Variants in PRKN observed in about 807,000 individuals in gnomAD.
PRKN encodes parkin RBR E3 ubiquitin protein ligase, also known as E3 ubiquitin-protein ligase parkin.
A neutral mutation model predicts 59.5 loss-of-function variants in PRKN; 56 were observed. The observed-to-expected ratio is 0.94, with a 90% CI of 0.76 to 1.18. The LOEUF is 1.18. PRKN is among the 50% of genes most tolerant of loss of function. The pLI, the probability that PRKN is intolerant of heterozygous loss-of-function variation, is 0.00. For missense variants in PRKN, 657 were observed against 596.4 expected (o/e 1.10, Z -1.06); for synonymous variants, 250 against 222.1 (o/e 1.13, Z -1.12).
chr6:162,092,853 A>G (rs1347078184), intron 4 of PRKN, among the ~76,000 whole-genome samples: 2 of 152,208 alleles, frequency 1.3e-5, no homozygotes, highest in African/African-American at 4.8e-5. Flanking sequence ...GAGACATATT[A>G]TGATGGAGCC....
chr6:162,656,567 T>A (rs1286748520), intron 1 of PRKN, among the ~76,000 whole-genome samples: 2 of 152,230 alleles, frequency 1.3e-5, no homozygotes, highest in Non-Finnish European at 2.9e-5. Flanking sequence ...ATCTATCCCA[T>A]TAGCACTGTC....
chr6:162,250,069 C>G (rs1399255101), intron 3 of PRKN, among the ~76,000 whole-genome samples: 1 of 151,884 alleles, frequency 6.6e-6, no homozygotes, highest in African/African-American at 2.4e-5. Flanking sequence ...TCGCTTGAGC[C>G]CAGGACGCAG....
chr6:162,609,096 A>G (rs766033914), intron 1 of PRKN, among the ~76,000 whole-genome samples: 5 of 152,220 alleles, frequency 3.3e-5, no homozygotes, highest in African/African-American at 4.8e-5. Context: ...ATAGAAGAGA[A>G]AAAGAAGCTA....
chr6:161,872,059 C>G (rs114047169), intron 6 of PRKN, among the ~76,000 whole-genome samples: 7 of 152,098 alleles, frequency 4.6e-5, no homozygotes, highest in Admixed American at 4.6e-4. Context: ...GGTGTTCTTG[C>G]AGGGCTCACA....
rs79666822 is a variant in PRKN at position 161,691,281 on chromosome 6, C to T, written c.871+94491G>A. Among the ~76,000 whole-genome samples, 1,163 of 152,336 alleles carry T rather than the reference C, an allele frequency of 7.6e-3. 19 individuals are homozygous for T. Among genetic ancestry groups the T allele is most frequent in the African/African-American group, 0.026 (1,079 of 41,580 alleles). ...TTCCTGAGTTCAGTGCCTGGAAAAA[C>T]AGCCTCTTGGGTCTAATCTTTTCTT... On this transcript the variant is annotated intron_variant, in intron 7 of 11. Coordinates refer to ENST00000366898, the MANE Select transcript of PRKN (RefSeq NM_004562.3).
intron 6 of PRKN, among the ~76,000 whole-genome samples, chr6:161,928,411 T>A (rs1302075354): frequency 6.6e-6 from 1 of 152,216 alleles, no homozygotes; most frequent in African/African-American, 2.4e-5. Flanking sequence ...GTAAATTCCC[T>A]TTATGACTCA....
At chr6:161,801,573 T>C (rs1177078495) in intron 6 of PRKN, among the ~76,000 whole-genome samples, 1 of 152,228 alleles carries the variant, frequency 6.6e-6, no homozygotes, top group African/African-American at 2.4e-5. Flanking sequence ...TCTGTGCATC[T>C]GTCAAACACA....
Position 162,210,167 on chromosome 6 carries a change from T to C in PRKN, c.413-8915A>G, listed in dbSNP as rs1327391733. Among the ~76,000 whole-genome samples, 10 of 145,852 alleles carry C rather than the reference T, an allele frequency of 6.9e-5. No individual in the cohort carries two copies. In the South Asian group the frequency reaches 1.4e-3, roughly 21 times the overall value. On this transcript the variant is annotated intron_variant, in intron 3 of 11. Transcript: ENST00000366898. ...GCACCTCTCTGGAGCCATGACCTCT[T>C]TGTCAAACCCTGGCCTGGCCTTGTC...
At chr6:162,718,947 CACAT>C (rs1465595388) in intron 1 of PRKN, among the ~76,000 whole-genome samples, 1 of 152,100 alleles carries the variant, frequency 6.6e-6, no homozygotes, top group South Asian at 2.1e-4. Context: ...ATGCCACACA[CACAT>C]ACACACACAC....
At chr6:162,052,778 A>G (rs1224411768) in intron 5 of PRKN, among the ~76,000 whole-genome samples, 1 of 151,204 alleles carries the variant, frequency 6.6e-6, no homozygotes. Flanking sequence ...TGTTGACCCT[A>G]AAAACTTGTA....
chr6:161,560,446 C>G lies in PRKN; in HGVS notation c.933+8909G>C, dbSNP rs993760195. Among the ~76,000 whole-genome samples, 2 of 152,158 alleles carry G rather than the reference C, an allele frequency of 1.3e-5. No homozygotes were observed. The highest frequency in any genetic ancestry group is 2.4e-5 in the African/African-American group (1 of 41,448). On this transcript the variant is annotated intron_variant, in intron 8 of 11. Coordinates refer to ENST00000366898, the MANE Select transcript of PRKN (RefSeq NM_004562.3). This position sits in a 1 kb window ranked among gnomAD's most constrained non-coding sequence, Gnocchi z 4.9. Reference sequence around the variant, plus strand: ...GACCCATGCTTCACCCTCACCTCCTCACTGCTGCCCCCTGATCTCCTGGAT... The same window carrying G: ...GACCCATGCTTCACCCTCACCTCCTGACTGCTGCCCCCTGATCTCCTGGAT...
chr6:162,190,079 C>T (rs937741492), intron 4 of PRKN, among the ~76,000 whole-genome samples: 2 of 152,118 alleles, frequency 1.3e-5, no homozygotes, highest in African/African-American at 2.4e-5. Flanking sequence ...GTAGTTCAAT[C>T]ATACCAACAA....
chr6:162,152,556 T>G (rs1327317260), intron 4 of PRKN, among the ~76,000 whole-genome samples: 1 of 152,226 alleles, frequency 6.6e-6, no homozygotes, highest in East Asian at 1.9e-4. Context: ...ACATGCATAC[T>G]GCAGGAACAC....
At chr6:161,904,321 T>TG (rs1778053470) in intron 6 of PRKN, among the ~76,000 whole-genome samples, 2 of 139,216 alleles carry the variant, frequency 1.4e-5, no homozygotes, top group South Asian at 4.9e-4. Context: ...TTTTTTTTTT[T>TG]TTTTTTTTTT....
intron 9 of PRKN, among the ~76,000 whole-genome samples, chr6:161,491,851 C>T (rs1273680609): frequency 2.0e-5 from 3 of 152,046 alleles, no homozygotes; most frequent in Non-Finnish European, 4.4e-5. Context: ...AGGCTGGTCT[C>T]GAACTCCTGA....
intron 1 of PRKN, among the ~76,000 whole-genome samples, chr6:162,632,144 T>C (rs1265495818): frequency 6.6e-6 from 1 of 152,096 alleles, no homozygotes; most frequent in African/African-American, 2.4e-5. Flanking sequence ...AACCCAACAA[T>C]CCCATTACTG....
At chr6:162,542,333 C>T (rs962969296) in intron 1 of PRKN, among the ~76,000 whole-genome samples, 1 of 152,018 alleles carries the variant, frequency 6.6e-6, no homozygotes, top group African/African-American at 2.4e-5. Flanking sequence ...ATGGGTTAAC[C>T]AAAGCCCAGA....
intron 5 of PRKN, among the ~76,000 whole-genome samples, chr6:161,976,884 C>T (rs1781053823): frequency 6.6e-6 from 1 of 152,180 alleles, no homozygotes; most frequent in Non-Finnish European, 1.5e-5. Flanking sequence ...TAACAAATCA[C>T]AAATTGTTCT....
At chr6:161,770,279 T>C (rs1789609138) in intron 7 of PRKN, among the ~76,000 whole-genome samples, 3 of 152,080 alleles carry the variant, frequency 2.0e-5, no homozygotes, top group South Asian at 2.1e-4. Flanking sequence ...AGAACTTACA[T>C]ACAGAGGGCT....
Sources: gnomAD v4.1 joint callset for allele counts (sites outside exome capture counted in the v4.1 genomes callset) on GRCh38, gnomAD v4.1.1 for gene constraint, Gnocchi (gnomAD v3.1) non-coding constraint, MANE v1.5 for transcripts, NCBI Gene and HGNC (gene_info 2026-07-23, HGNC 2026-07-21) for gene names.